PEX5L: variants seen among roughly 807,000 people sequenced by gnomAD.
PEX5L encodes the protein peroxisomal biogenesis factor 5 like.
Under a neutral mutation model 84.0 loss-of-function variants are expected in PEX5L, and 30 were observed. That is an observed-to-expected ratio of 0.36 (90% CI 0.27 to 0.48). The LOEUF is 0.48. Ranked by LOEUF, PEX5L falls within the 20% of genes least tolerant of loss-of-function variation. The pLI, the probability that PEX5L is intolerant of heterozygous loss-of-function variation, is 0.99. For missense variants in PEX5L, 533 were observed against 754.6 expected (o/e 0.71, Z 3.44); for synonymous variants, 270 against 283.1 (o/e 0.95, Z 0.46).
intron 1 of PEX5L, among the ~76,000 whole-genome samples, chr3:180,028,865 A>G (rs1791196356): frequency 6.6e-6 from 1 of 152,248 alleles, no homozygotes; most frequent in Non-Finnish European, 1.5e-5. Context: ...TTATTTTGGT[A>G]TAAAGACCAA....
intron 1 of PEX5L, among the ~76,000 whole-genome samples, chr3:179,991,007 C>A (rs995895254): frequency 1.3e-5 from 2 of 152,142 alleles, no homozygotes; most frequent in Non-Finnish European, 2.9e-5. Context: ...GGATGTGCAG[C>A]CCATTATCCC....
At chr3:179,889,179 A>C (rs1192158889) in intron 3 of PEX5L, among the ~76,000 whole-genome samples, 1 of 152,190 alleles carries the variant, frequency 6.6e-6, no homozygotes, top group Non-Finnish European at 1.5e-5. Context: ...AATATTTTAT[A>C]TTACTCTACT....
intron 2 of PEX5L, among the ~76,000 whole-genome samples, chr3:179,961,206 T>C (rs1406480958): frequency 8.6e-6 from 1 of 116,050 alleles, no homozygotes; most frequent in Non-Finnish European, 2.3e-5. Flanking sequence ...TGTGTATGTG[T>C]GTGTGTGTGT....
intron 1 of PEX5L, among the ~76,000 whole-genome samples, chr3:180,019,859 A>G (rs1175363822): frequency 6.6e-6 from 1 of 152,180 alleles, no homozygotes; most frequent in African/African-American, 2.4e-5. Context: ...CCCCTCAATA[A>G]TATAAGGATA....
intron 2 of PEX5L, among the ~76,000 whole-genome samples, chr3:179,913,876 T>C (rs1186891470): frequency 1.3e-5 from 2 of 152,178 alleles, no homozygotes; most frequent in Non-Finnish European, 2.9e-5. Context: ...AGTCTGTGAA[T>C]GTTAATTATT....
chr3:179,837,620 A>G (rs1229801619), intron 8 of PEX5L, among the ~76,000 whole-genome samples: 1 of 152,198 alleles, frequency 6.6e-6, no homozygotes, highest in African/African-American at 2.4e-5. Context: ...AATTGGTACA[A>G]GTGGTCCCTT....
intron 7 of PEX5L, among the ~76,000 whole-genome samples, chr3:179,872,756 C>G (rs1199662033): frequency 6.6e-6 from 1 of 152,170 alleles, no homozygotes; most frequent in African/African-American, 2.4e-5. Context: ...CGTTTTATTG[C>G]TACATTAAAT....
chr3:179,802,086 A>G, intron 14 of PEX5L, 54 bp from the exon 15 acceptor site: 1 of 1,292,062 alleles, frequency 7.7e-7, no homozygotes, highest in South Asian at 1.2e-5. Flanking sequence ...GAGTTAGCAA[A>G]TGTAAACAAA....
intron 8 of PEX5L, among the ~76,000 whole-genome samples, chr3:179,855,093 G>A (rs1349777738): frequency 6.6e-6 from 1 of 152,118 alleles, no homozygotes; most frequent in Non-Finnish European, 1.5e-5. Flanking sequence ...ACTTGGGTGT[G>A]GGAGAGGAAC....
chr3:179,919,726 GA>G (rs779298675), intron 2 of PEX5L, among the ~76,000 whole-genome samples: 3 of 152,110 alleles, frequency 2.0e-5, no homozygotes, highest in Non-Finnish European at 2.9e-5. Context: ...TTTCTGAGAT[GA>G]AGTCTTGCAC....
intron 1 of PEX5L, among the ~76,000 whole-genome samples, chr3:180,022,859 G>C (rs1191688970): frequency 6.6e-6 from 1 of 152,152 alleles, no homozygotes; most frequent in Non-Finnish European, 1.5e-5. Flanking sequence ...ACACAAAGGG[G>C]CTCTCAGAGT....
chr3:179,870,400 C>T (rs1392315872), intron 7 of PEX5L, among the ~76,000 whole-genome samples: 2 of 152,180 alleles, frequency 1.3e-5, no homozygotes, highest in Non-Finnish European at 2.9e-5. Flanking sequence ...GTGATCTCTA[C>T]ACTTCTGCCC....
chr3:179,982,896 T>A (rs762620372), intron 1 of PEX5L, among the ~76,000 whole-genome samples: 1 of 152,106 alleles, frequency 6.6e-6, no homozygotes, highest in African/African-American at 2.4e-5. Flanking sequence ...AAAGCCTTTT[T>A]AAATGATCAA....
At chr3:179,805,937 A>G (rs1013898624) in intron 14 of PEX5L, among the ~76,000 whole-genome samples, 1 of 151,860 alleles carries the variant, frequency 6.6e-6, no homozygotes, top group Non-Finnish European at 1.5e-5. Context: ...AAGAAGTTAT[A>G]ATTAAGAAAA....
intron 1 of PEX5L, among the ~76,000 whole-genome samples, chr3:180,017,187 CT>C (rs1173305107): frequency 1.3e-5 from 2 of 152,140 alleles, no homozygotes; most frequent in African/African-American, 4.8e-5. Context: ...ATATTTTTGA[CT>C]TATGAATAGC....
At chr3:180,009,759 T>G (rs965207920) in intron 1 of PEX5L, among the ~76,000 whole-genome samples, 35 of 152,028 alleles carry the variant, frequency 2.3e-4, no homozygotes, top group African/African-American at 8.2e-4. Context: ...GCTATATAGT[T>G]GTTTTTTTCC....
chr3:179,854,687 C>T (rs1560394352), intron 8 of PEX5L, among the ~76,000 whole-genome samples: 1 of 152,116 alleles, frequency 6.6e-6, no homozygotes, highest in Non-Finnish European at 1.5e-5. Flanking sequence ...GAGTGATTAA[C>T]ATTAATTAAT....
chr3:179,918,791 A>G (rs541207128), intron 2 of PEX5L, among the ~76,000 whole-genome samples: 2 of 152,288 alleles, frequency 1.3e-5, no homozygotes, highest in South Asian at 4.1e-4. Flanking sequence ...CATCTTGGGC[A>G]AGACAGCAAA....
rs374772486 is a variant in PEX5L, at chr3:180,015,389, C to A, written c.21+21190G>T. Reference sequence around the variant, plus strand: ...TTATATTTTATAGAAAACTTGTTTTCTCCAAAACGAGGTGTGTGTGTGTTT... The same window carrying A: ...TTATATTTTATAGAAAACTTGTTTTATCCAAAACGAGGTGTGTGTGTGTTT... On this transcript the variant is annotated intron_variant, in intron 1 of 14. Coordinates refer to ENST00000467460, the MANE Select transcript of PEX5L (RefSeq NM_016559.3). Among the ~76,000 whole-genome samples the A allele has an allele frequency of 1.8e-4, 28 of 152,260 alleles. No homozygotes were observed. In the East Asian group the frequency reaches 5.0e-3, roughly 27 times the overall value.
Sources: allele counts gnomAD v4.1 joint callset (sites outside exome capture counted in the v4.1 genomes callset), GRCh38; gene constraint gnomAD v4.1.1; transcripts MANE v1.5; gene names NCBI Gene and HGNC (gene_info 2026-07-23, HGNC 2026-07-21).